The following CBR1 variants were observed in gnomAD, a reference collection of about 807,000 sequenced individuals.
The protein encoded by CBR1 is carbonyl reductase 1, also known as carbonyl reductase [NADPH] 1.
Under a neutral mutation model 10.6 loss-of-function variants are expected in CBR1, and 11 were observed. That is an observed-to-expected ratio of 1.03 (90% CI 0.65 to 1.71). The LOEUF is 1.71. Among genes scored for constraint, CBR1 ranks in the 40% most tolerant of loss-of-function variants. CBR1 has a pLI of 0.00. For missense variants in CBR1, 361 were observed against 368.6 expected, an observed-to-expected ratio of 0.98 and a Z score of 0.17; for synonymous variants, 158 against 156.7, an observed-to-expected ratio of 1.01 and a Z score of -0.06.
rs753663954 is a variant in CBR1 at position 36,071,007 on chromosome 21, T to C, written c.347T>C (p.Phe116Ser). Residue 116 changes from phenylalanine to serine, a missense_variant, in exon 2 of 3, where the codon TTT (phenylalanine) becomes TCT (serine). Transcript: ENST00000290349. ...QAEVTMKTNF[F>S]GTRDVCTELL... ...GAAGTGACGATGAAAACAAATTTCT[T>C]TGGTACCCGAGATGTGTGCACAGAA... 2.7e-5 allele frequency: 43 copies of C among 1,613,862 alleles called. No homozygotes were observed. Among genetic ancestry groups the C allele is most frequent in the South Asian group, 4.4e-5 (4 of 91,074 alleles).
chr21:36,071,297 C>T (rs2065350489), intron 2 of CBR1: 4 of 665,096 alleles, frequency 6.0e-6, no homozygotes, highest in Middle Eastern at 2.5e-4. Flanking sequence ...GGCTGACTCT[C>T]ATCCTTCAGG....
chr21:36,072,487 C>A lies in CBR1; in HGVS notation c.439C>A (p.Leu147Ile). 6.2e-7 allele frequency: 1 copy of A among 1,613,694 alleles called. No individual in the cohort carries two copies. Among genetic ancestry groups the A allele is most frequent in the East Asian group, 2.2e-5 (1 of 44,882 alleles). Residue 147 changes from leucine to isoleucine, a missense_variant, in exon 3 of 3, where the codon CTT becomes ATT. Coordinates refer to ENST00000290349, the MANE Select transcript of CBR1 (RefSeq NM_001757.4). ...ATCTAGCATCATGAGCGTCAGAGCC[C>A]TTAAAAGCTGCAGCCCAGAGCTGCA... is the stretch of plus-strand genomic sequence containing the variant. ...NVSSIMSVRA[L>I]KSCSPELQQK...
At chr21:36,072,248 A>C in intron 2 of CBR1, 198 bp from the exon 3 acceptor site, 1 of 1,550,742 alleles carries the variant, frequency 6.4e-7, no homozygotes, top group Non-Finnish European at 8.7e-7. Flanking sequence ...GACTCTACTC[A>C]GCCAAAATTC....
intron 2 of CBR1, chr21:36,071,892 A>G: frequency 1.3e-6 from 2 of 1,536,092 alleles, no homozygotes; most frequent in Non-Finnish European, 1.7e-6. Context: ...AGCATGGTTC[A>G]CAGAGATGTC....
In CBR1 at chr21:36,070,248, G is replaced by A; in HGVS notation, c.133G>A (p.Ala45Thr). ...LTARDVTRGQ[A>T]AVQQLQAEGL... ...GGCGCGGGACGTGACGCGGGGCCAGGCGGCCGTACAGCAGCTGCAGGCGGA... is the reference window on the plus strand; with the variant it reads ...GGCGCGGGACGTGACGCGGGGCCAGACGGCCGTACAGCAGCTGCAGGCGGA... Residue 45 changes from alanine to threonine, a missense_variant, in exon 1 of 3, where the codon GCG becomes ACG. Ala to Thr is a moderately conservative substitution (Grantham distance 58). Transcript: ENST00000290349. 1 of 1,611,052 alleles carries A rather than the reference G, an allele frequency of 6.2e-7. No homozygotes were observed. The highest frequency in any genetic ancestry group is 8.5e-7 in the Non-Finnish European group (1 of 1,179,502).
chr21:36,071,157 G>A, intron 2 of CBR1, 100 bp downstream of exon 2: 1 of 820,648 alleles, frequency 1.2e-6, no homozygotes, highest in Non-Finnish European at 2.2e-6. Context: ...TCTCCATGCT[G>A]CACGTGCACT....
rs1040147297 is a variant in CBR1 at position 36,072,669 on chromosome 21, C to T, written c.621C>T (p.Ile207=). ...TKIGVTVLSR[I]HARKLSEQRK... ...TTGGCGTCACCGTTCTGTCCAGGATCCACGCCAGGAAACTGAGTGAGCAGA... is the reference window on the plus strand; with the variant it reads ...TTGGCGTCACCGTTCTGTCCAGGATTCACGCCAGGAAACTGAGTGAGCAGA... The change falls in exon 3 of 3, where the codon ATC becomes ATT. Residue 207 remains isoleucine, a synonymous_variant. Coordinates refer to ENST00000290349, the MANE Select transcript of CBR1 (RefSeq NM_001757.4). The T allele has an allele frequency of 6.2e-7, 1 of 1,613,844 alleles. No homozygotes were observed.
chr21:36,072,469 A>G lies in CBR1; in HGVS notation c.421A>G (p.Ile141Val), dbSNP rs773828531. Reference sequence around the variant, plus strand: ...AGGGAGAGTGGTGAACGTATCTAGCATCATGAGCGTCAGAGCCCTTAAAAG... The same window carrying G: ...AGGGAGAGTGGTGAACGTATCTAGCGTCATGAGCGTCAGAGCCCTTAAAAG... ...PQGRVVNVSS[I>V]MSVRALKSCS... is the part of the protein sequence containing the mutation. Residue 141 changes from isoleucine to valine, a missense_variant, in exon 3 of 3, where the codon ATC (isoleucine) becomes GTC (valine). Physicochemically the swap from Ile to Val is conservative, Grantham distance 29 (BLOSUM62 3). Coordinates refer to ENST00000290349, the MANE Select transcript of CBR1 (RefSeq NM_001757.4). The G allele has an allele frequency of 3.7e-6, 6 of 1,614,044 alleles. No homozygotes were observed. In the African/African-American group the frequency reaches 8.0e-5, roughly 22 times the overall value.
Position 36,072,522 on chromosome 21 carries a change from C to A in CBR1, c.474C>A (p.Phe158Leu). 1 of 1,606,046 alleles carries A rather than the reference C, an allele frequency of 6.2e-7. No individual in the cohort carries two copies. Among genetic ancestry groups the A allele is most frequent in the Non-Finnish European group, 8.5e-7 (1 of 1,176,908 alleles). Residue 158 changes from phenylalanine (F) to leucine (L), a missense_variant, in exon 3 of 3, where the codon TTC (phenylalanine) becomes TTA (leucine). Physicochemically the swap from Phe to Leu is conservative, Grantham distance 22. Transcript: ENST00000290349. Reference protein sequence around the residue: ...KSCSPELQQKFRSETITEEEL... With the variant: ...KSCSPELQQKLRSETITEEEL... ...GCAGCCCAGAGCTGCAGCAGAAGTT[C>A]CGCAGTGAGACCATCACTGAGGAGG...
At position 36,072,482 on chromosome 21, in the gene CBR1, G is replaced by C; in HGVS notation, c.434G>C (p.Arg145Thr). Residue 145 changes from arginine to threonine, a missense_variant, in exon 3 of 3, where the codon AGA becomes ACA. Transcript: ENST00000290349. ...AACGTATCTAGCATCATGAGCGTCA[G>C]AGCCCTTAAAAGCTGCAGCCCAGAG... Reference protein sequence around the residue: ...VVNVSSIMSVRALKSCSPELQ... With the variant: ...VVNVSSIMSVTALKSCSPELQ... 1 of 1,614,014 alleles carries C rather than the reference G, an allele frequency of 6.2e-7. No homozygotes were observed. Among genetic ancestry groups the C allele is most frequent in the Non-Finnish European group, 8.5e-7 (1 of 1,179,964 alleles).
Position 36,073,164 on chromosome 21 carries a change from G to A in CBR1, c.*282G>A, listed in dbSNP as rs2123838606. ...GATGAATAAATGGTTCTTTATAAGT[G>A]TCCATTTGTACAGATTGTTTAGATG... is the stretch of plus-strand genomic sequence containing the variant. On this transcript the variant is annotated 3_prime_UTR_variant, in exon 3 of 3. Transcript: ENST00000290349. 6.3e-6 allele frequency: 2 copies of A among 315,380 alleles called. No homozygotes were observed. The highest frequency in any genetic ancestry group is 1.2e-5 in the Non-Finnish European group (2 of 171,382). 19.5% of individuals were successfully genotyped at this position (315,380 alleles called of 1,614,324 possible).
At position 36,072,627 on chromosome 21, in the gene CBR1, A is replaced by C; in HGVS notation, c.579A>C (p.Ala193=). Residue 193 remains alanine (A), a synonymous_variant, in exon 3 of 3, where the codon GCA becomes GCC. Transcript: ENST00000290349. ...AGAAGGAGGGCTGGCCCAGCAGCGC[A>C]TACGGGGTGACGAAGATTGGCGTCA... ...VHQKEGWPSS[A]YGVTKIGVTV... is the part of the protein sequence containing the mutation. 6.2e-7 allele frequency: 1 copy of C among 1,610,966 alleles called. No individual in the cohort carries two copies. Among genetic ancestry groups the C allele is most frequent in the South Asian group, 1.1e-5 (1 of 90,858 alleles).
rs1349189945 is a variant in CBR1, at chr21:36,070,327, G to A, written c.212G>A (p.Arg71His). The A allele has an allele frequency of 6.2e-7, 1 of 1,613,296 alleles. No homozygotes were observed. Among genetic ancestry groups the A allele is most frequent in the Non-Finnish European group, 8.5e-7 (1 of 1,179,974 alleles). Residue 71 changes from arginine (R) to histidine (H), a missense_variant, in exon 1 of 3, where the codon CGC becomes CAC. Arg to His is a conservative substitution (Grantham distance 29). Transcript: ENST00000290349. ...QLDIDDLQSIRALRDFLRKEY... is the reference protein window; with the variant it reads ...QLDIDDLQSIHALRDFLRKEY... ...GACATCGACGATCTGCAGAGCATCC[G>A]CGCCCTGCGCGACTTCCTGCGCAAG...
chr21:36,071,134 G>GGCAA, intron 2 of CBR1, 77 bp downstream of exon 2: 1 of 949,664 alleles, frequency 1.1e-6, no homozygotes, highest in Non-Finnish European at 1.7e-6. Flanking sequence ...TTCTCCTGCA[G>GGCAA]GCTCCTGCTT....
chr21:36,071,133 A>G, intron 2 of CBR1, 76 bp downstream of exon 2: 1 of 959,382 alleles, frequency 1.0e-6, no homozygotes, highest in South Asian at 1.3e-5. Flanking sequence ...TTTCTCCTGC[A>G]GGCTCCTGCT....
chr21:36,072,574 G>T lies in CBR1; in HGVS notation c.526G>T (p.Val176Leu). 1 of 1,602,356 alleles carries T rather than the reference G, an allele frequency of 6.2e-7. No homozygotes were observed. The highest frequency in any genetic ancestry group is 8.5e-7 in the Non-Finnish European group (1 of 1,174,600). ...GCTGGTGGGGCTCATGAACAAGTTT[G>T]TGGAGGATACAAAGAAGGGAGTGCA... ...EELVGLMNKF[V>L]EDTKKGVHQK... The change falls in exon 3 of 3, where the codon GTG becomes TTG. Residue 176 changes from valine to leucine, a missense_variant. By Grantham distance (32) the Val-to-Leu change is conservative. Coordinates refer to ENST00000290349, the MANE Select transcript of CBR1 (RefSeq NM_001757.4).
chr21:36,071,232 T>G, intron 2 of CBR1, 175 bp downstream of exon 2: 1 of 704,496 alleles, frequency 1.4e-6, no homozygotes. Flanking sequence ...TTGTCCTCAC[T>G]TCTCCCACTC....
rs1325522379 is a variant in CBR1 at position 36,070,279 on chromosome 21, T to C, written c.164T>C (p.Leu55Pro). Residue 55 changes from leucine to proline, a missense_variant, in exon 1 of 3, where the codon CTG (leucine) becomes CCG (proline). Transcript: ENST00000290349. ...AAVQQLQAEG[L>P]SPRFHQLDID... ...GTACAGCAGCTGCAGGCGGAGGGCCTGAGCCCGCGCTTCCACCAGCTGGAC... is the reference window on the plus strand; with the variant it reads ...GTACAGCAGCTGCAGGCGGAGGGCCCGAGCCCGCGCTTCCACCAGCTGGAC... 6.2e-7 allele frequency: 1 copy of C among 1,612,444 alleles called. No individual in the cohort carries two copies.
chr21:36,070,442 G>A (rs200615385), intron 1 of CBR1, 38 bp downstream of exon 1: 16 of 1,542,398 alleles, frequency 1.0e-5, no homozygotes, highest in African/African-American at 4.1e-5. Flanking sequence ...AAGAAGAACC[G>A]ATGCACTGGG....
Sources: allele counts gnomAD v4.1 joint callset, GRCh38; gene constraint gnomAD v4.1.1; transcripts MANE v1.5; gene names NCBI Gene and HGNC (gene_info 2026-07-23, HGNC 2026-07-21).